The following MAST4 variants were observed in gnomAD, a reference collection of about 807,000 sequenced individuals.
MAST4 encodes the protein microtubule-associated serine/threonine-protein kinase 4.
MAST4 carries 89 observed loss-of-function variants against 162.7 expected under a neutral mutation model. The ratio of observed to expected loss-of-function variants is 0.55; its 90% CI spans 0.46 to 0.65. MAST4 has a LOEUF of 0.65. Ranked by LOEUF, MAST4 falls within the 30% of genes least tolerant of loss-of-function variation. MAST4 has a pLI of 0.00. For synonymous variants in MAST4, 1,479 were observed against 1,361.1 expected, an observed-to-expected ratio of 1.09 and a Z score of -1.91; for missense variants, 3,153 against 3,374.0, an observed-to-expected ratio of 0.93 and a Z score of 1.62.
intron 3 of MAST4, among the ~76,000 whole-genome samples, chr5:66,881,568 CTT>C (rs1195855006): frequency 6.6e-6 from 1 of 152,168 alleles, no homozygotes; most frequent in Non-Finnish European, 1.5e-5. Context: ...TTTTTAAAGA[CTT>C]TAAAAAATCG....
chr5:66,734,122 T>A (rs1055373238), intron 1 of MAST4, among the ~76,000 whole-genome samples: 1 of 152,210 alleles, frequency 6.6e-6, no homozygotes, highest in Admixed American at 6.5e-5. Flanking sequence ...CTGTACTATG[T>A]CACCTCTGCA....
intron 19 of MAST4, 117 bp downstream of exon 19, chr5:67,136,781 T>C: frequency 1.4e-6 from 1 of 734,720 alleles, no homozygotes. Flanking sequence ...TTAGTTGATG[T>C]AGAACATGAC....
chr5:66,818,596 A>G (rs983672663), intron 3 of MAST4, among the ~76,000 whole-genome samples: 2 of 152,054 alleles, frequency 1.3e-5, no homozygotes, highest in African/African-American at 4.8e-5. Context: ...ATCTTCACTT[A>G]ATGCTTCTGT....
intron 1 of MAST4, among the ~76,000 whole-genome samples, chr5:66,734,315 T>C (rs1026204449): frequency 1.2e-4 from 19 of 152,200 alleles, no homozygotes; most frequent in African/African-American, 4.3e-4. Context: ...CATACTGTTA[T>C]TGGCTGGCAA....
chr5:67,012,317 T>C (rs569927397), intron 4 of MAST4, among the ~76,000 whole-genome samples: 1 of 152,286 alleles, frequency 6.6e-6, no homozygotes, highest in Admixed American at 6.5e-5. Context: ...CTGAATAATT[T>C]GGGAAAGTCC....
At chr5:66,737,379 C>T (rs1752215917) in intron 1 of MAST4, among the ~76,000 whole-genome samples, 2 of 152,140 alleles carry the variant, frequency 1.3e-5, no homozygotes, top group Admixed American at 1.3e-4. Context: ...GCCACAATGC[C>T]TCTTACAGTT....
At chr5:66,919,018 A>G (rs1236110034) in intron 4 of MAST4, among the ~76,000 whole-genome samples, 1 of 151,060 alleles carries the variant, frequency 6.6e-6, no homozygotes, top group Admixed American at 6.6e-5. Context: ...TGGGAGAATT[A>G]CTTAAATCTG....
At chr5:66,914,882 T>C (rs1004284114) in intron 4 of MAST4, among the ~76,000 whole-genome samples, 1 of 152,036 alleles carries the variant, frequency 6.6e-6, no homozygotes, top group Admixed American at 6.5e-5. Flanking sequence ...ACACCTACAG[T>C]GAACAAGACA....
intron 1 of MAST4, among the ~76,000 whole-genome samples, chr5:66,609,453 C>T (rs1260278215): frequency 1.0e-4 from 15 of 149,090 alleles, no homozygotes; most frequent in African/African-American, 2.7e-4. Context: ...GCAGTGGGAC[C>T]ATCTCAGCTC....
intron 2 of MAST4, among the ~76,000 whole-genome samples, chr5:66,774,419 A>G (rs28034): frequency 0.48 from 73,123 of 152,056 alleles, 17,912 homozygotes; most frequent in East Asian, 0.57. Context: ...GAGTGCTGTG[A>G]TGCCCCTGCC....
At chr5:67,162,520 A>G (rs1271871577) in intron 27 of MAST4, 87 bp from the exon 28 acceptor site, 1 of 1,208,144 alleles carries the variant, frequency 8.3e-7, no homozygotes, top group Admixed American at 1.9e-5. Flanking sequence ...CCTCACACGG[A>G]GTTATTGAGC....
At chr5:67,129,977 C>G (rs1447984048) in intron 14 of MAST4, among the ~76,000 whole-genome samples, 1 of 152,054 alleles carries the variant, frequency 6.6e-6, no homozygotes, top group African/African-American at 2.4e-5. Context: ...GAAGATGAAT[C>G]TGATGCCTGG....
chr5:66,930,663 C>G (rs1387964612), intron 4 of MAST4: 1 of 467,564 alleles, frequency 2.1e-6, no homozygotes, highest in Non-Finnish European at 4.4e-6. Flanking sequence ...ATATTTGACC[C>G]TTTGACATGC....
chr5:66,682,722 G>GAA (rs1748410098), intron 1 of MAST4, among the ~76,000 whole-genome samples: 1 of 152,196 alleles, frequency 6.6e-6, no homozygotes. Flanking sequence ...ACAAATAACT[G>GAA]CATAAGTAAG....
At chr5:66,828,800 A>T in intron 3 of MAST4, 1 of 1,596,102 alleles carries the variant, frequency 6.3e-7, no homozygotes, top group Non-Finnish European at 8.5e-7. Context: ...GTAGTACAGC[A>T]TGGCTAGACT....
intron 6 of MAST4, 129 bp downstream of exon 6, chr5:67,090,360 CCCCCACTTCCCCTTCTGCCCCT>C (rs1763707847): frequency 2.9e-5 from 12 of 407,670 alleles, no homozygotes; most frequent in African/African-American, 1.5e-4. Flanking sequence ...CTTCCCCTTC[CCCCCACTTCCCCTTCTGCCCCT>C]CCCCACTTCC....
intron 3 of MAST4, among the ~76,000 whole-genome samples, chr5:66,887,262 T>A (rs77765965): frequency 0.012 from 1,822 of 152,332 alleles, 36 homozygotes; most frequent in African/African-American, 0.041. Flanking sequence ...AAGGCTTTTG[T>A]TTCTCATAGA....
intron 4 of MAST4, 38 bp from the exon 5 acceptor site, chr5:67,054,366 A>G (rs1243927005): frequency 6.5e-7 from 1 of 1,532,554 alleles, no homozygotes; most frequent in Non-Finnish European, 8.9e-7. Context: ...TTGATGCTAT[A>G]TTCTTTTTAA....
chr5:66,639,663 G>A (rs973766954), intron 1 of MAST4, among the ~76,000 whole-genome samples: 3 of 152,110 alleles, frequency 2.0e-5, no homozygotes, highest in African/African-American at 7.2e-5. Context: ...ACTGTTATAT[G>A]TGTATGTGGG....
Sources: allele counts gnomAD v4.1 joint callset (sites outside exome capture counted in the v4.1 genomes callset), GRCh38; gene constraint gnomAD v4.1.1; transcripts MANE v1.5; gene names NCBI Gene and HGNC (gene_info 2026-07-23, HGNC 2026-07-21).